The following CRHR1 variants were observed in gnomAD, a reference collection of about 807,000 sequenced individuals.
CRHR1 encodes corticotropin releasing hormone receptor 1.
In CRHR1, 28 loss-of-function variants were observed where a neutral mutation model predicts 56.0. The observed-to-expected ratio is 0.50, with a 90% CI of 0.37 to 0.69. The LOEUF (loss-of-function observed/expected upper bound fraction) is 0.69. Among genes scored for constraint, CRHR1 ranks in the 30% least tolerant of loss-of-function variants. The pLI is 0.00. For synonymous variants in CRHR1, 195 were observed against 216.5 expected (o/e 0.90, Z 0.87); for missense variants, 376 against 548.0 (o/e 0.69, Z 3.13).
chr17:45,820,708 C>T (rs1321143852), intron 3 of CRHR1, among the ~76,000 whole-genome samples: 1 of 126,082 alleles, frequency 7.9e-6, no homozygotes, highest in Admixed American at 7.7e-5. Flanking sequence ...CATGGATGTT[C>T]CCCCCACCCA....
intron 8 of CRHR1, among the ~76,000 whole-genome samples, chr17:45,832,619 G>A (rs980661290): frequency 2.6e-5 from 4 of 152,194 alleles, no homozygotes; most frequent in Non-Finnish European, 5.9e-5. Flanking sequence ...AGGGACACTC[G>A]GGAAAATGCA....
intron 1 of CRHR1, among the ~76,000 whole-genome samples, chr17:45,805,568 C>T (rs2061703692): frequency 6.6e-6 from 1 of 152,186 alleles, no homozygotes; most frequent in Admixed American, 6.5e-5. Context: ...GGGGCTGAGA[C>T]ACCTGGCCAT....
At chr17:45,828,485 A>G (rs1460928702) in intron 4 of CRHR1, among the ~76,000 whole-genome samples, 6 of 152,244 alleles carry the variant, frequency 3.9e-5, no homozygotes, top group Non-Finnish European at 5.9e-5. Flanking sequence ...CTTGGAACTC[A>G]AGATTGCTGT....
intron 4 of CRHR1, chr17:45,827,289 C>G (rs2062185016): frequency 6.6e-6 from 1 of 152,386 alleles, no homozygotes; most frequent in Admixed American, 6.5e-5. Context: ...TGGAAGGCAG[C>G]ACTGAAGGGT....
At chr17:45,799,622 G>T (rs1007938450) in intron 1 of CRHR1, 17 of 152,330 alleles carry the variant, frequency 1.1e-4, no homozygotes, top group African/African-American at 2.9e-4. Context: ...GTGGGCTGGG[G>T]CCCTTGCCTC....
intron 11 of CRHR1, 41 bp downstream of exon 11, chr17:45,833,890 G>A (rs771009368): frequency 1.2e-6 from 2 of 1,612,364 alleles, no homozygotes; most frequent in East Asian, 4.5e-5. Context: ...CCTTGGGTGG[G>A]GATTCTGCCA....
intron 2 of CRHR1, among the ~76,000 whole-genome samples, chr17:45,810,141 C>T (rs1403932621): frequency 1.3e-5 from 2 of 151,976 alleles, no homozygotes; most frequent in Non-Finnish European, 2.9e-5. Flanking sequence ...AAAAATTAGC[C>T]GGGCTTGGTG....
chr17:45,816,198 C>A (rs2061923615), intron 2 of CRHR1, among the ~76,000 whole-genome samples: 1 of 152,208 alleles, frequency 6.6e-6, no homozygotes, highest in African/African-American at 2.4e-5. Flanking sequence ...GCTTTTAACA[C>A]CACCTCCAGC....
intron 2 of CRHR1, among the ~76,000 whole-genome samples, chr17:45,816,004 A>G (rs1339171066): frequency 6.6e-6 from 1 of 152,138 alleles, no homozygotes; most frequent in Non-Finnish European, 1.5e-5. Flanking sequence ...GCCAGGGTAG[A>G]TGTGGTTTGA....
In CRHR1 at chr17:45,792,190, C is replaced by T. The variant is rs544776880; in HGVS notation, c.33+7613C>T. Among the ~76,000 whole-genome samples the T allele has an allele frequency of 6.6e-5, 10 of 152,290 alleles. No individual in the cohort carries two copies. In the East Asian group the frequency reaches 1.4e-3, roughly 21 times the overall value. On this transcript the variant is annotated intron_variant, in intron 1 of 12. Coordinates refer to ENST00000314537, the MANE Select transcript of CRHR1 (RefSeq NM_004382.5). Reference sequence around the variant, plus strand: ...TCAGCCACTCCTTCATCTTCCCAGACGGGTAGGGCAAGGCTGGTCCTTGGA... The same window carrying T: ...TCAGCCACTCCTTCATCTTCCCAGATGGGTAGGGCAAGGCTGGTCCTTGGA...
intron 3 of CRHR1, 43 bp from the exon 4 acceptor site, chr17:45,821,312 C>G: frequency 6.4e-7 from 1 of 1,570,838 alleles, no homozygotes. Flanking sequence ...CAGGCAGGGG[C>G]CGGGGCTGCC....
Position 45,784,584 on chromosome 17 carries a change from G to A in CRHR1, c.33+7G>A. On this transcript the variant is annotated splice_region_variant and intron_variant, in intron 1 of 12. Transcript: ENST00000314537. The surrounding 1 kb of genome is among the most constrained non-coding windows in gnomAD (Gnocchi z 4.2). Reference sequence around the variant, plus strand: ...GCAGCTCCGTCTCGTCAAGGTAACAGCCCGCCGGCCATCCCTCGAGCGCTG... The same window carrying A: ...GCAGCTCCGTCTCGTCAAGGTAACAACCCGCCGGCCATCCCTCGAGCGCTG... The A allele has an allele frequency of 6.5e-7, 1 of 1,547,848 alleles. No homozygotes were observed. The highest frequency in any genetic ancestry group is 2.5e-5 in the East Asian group (1 of 39,998).
Position 45,816,537 on chromosome 17 carries a change from C to A in CRHR1, c.196C>A (p.Arg66=). ...PRSPAGQLVV[R]PCPAFFYGVR... is the part of the protein sequence containing the mutation. Reference sequence around the variant, plus strand: ...CAGCCCTGCGGGGCAGCTAGTGGTTCGGCCCTGCCCTGCCTTTTTCTATGG... The same window carrying A: ...CAGCCCTGCGGGGCAGCTAGTGGTTAGGCCCTGCCCTGCCTTTTTCTATGG... The change falls in exon 3 of 13, where the codon CGG becomes AGG. Residue 66 remains arginine, a synonymous_variant. Coordinates refer to ENST00000314537, the MANE Select transcript of CRHR1 (RefSeq NM_004382.5). 6.2e-7 allele frequency: 1 copy of A among 1,614,132 alleles called. No homozygotes were observed. Among genetic ancestry groups the A allele is most frequent in the Non-Finnish European group, 8.5e-7 (1 of 1,180,030 alleles).
chr17:45,818,356 A>G (rs1478527416), intron 3 of CRHR1, among the ~76,000 whole-genome samples: 1 of 152,180 alleles, frequency 6.6e-6, no homozygotes, highest in African/African-American at 2.4e-5. Context: ...GTTACTTGAC[A>G]TGCTCCAGAT....
At chr17:45,792,796 C>G (rs2061450198) in intron 1 of CRHR1, among the ~76,000 whole-genome samples, 1 of 152,224 alleles carries the variant, frequency 6.6e-6, no homozygotes, top group Non-Finnish European at 1.5e-5. Context: ...TATCCCCCCA[C>G]AGGGGGCTCA....
rs1411328084 is a variant in CRHR1 at position 45,816,489 on chromosome 17, C to T, written c.148C>T (p.Leu50Phe). The change falls in exon 3 of 13, where the codon CTC becomes TTC. Residue 50 changes from leucine to phenylalanine, a missense_variant. Coordinates refer to ENST00000314537, the MANE Select transcript of CRHR1 (RefSeq NM_004382.5). ...ACTGCAGTGCAACGCATCCGTGGACCTCATTGGCACCTGCTGGCCCCGCAG... is the reference window on the plus strand; with the variant it reads ...ACTGCAGTGCAACGCATCCGTGGACTTCATTGGCACCTGCTGGCCCCGCAG... ...SGLQCNASVD[L>F]IGTCWPRSPA... The T allele has an allele frequency of 3.1e-6, 5 of 1,614,024 alleles. No homozygotes were observed. Among genetic ancestry groups the T allele is most frequent in the Non-Finnish European group, 4.2e-6 (5 of 1,180,034 alleles).
In CRHR1 at chr17:45,834,779, G is replaced by C. The variant is rs993047030; in HGVS notation, c.*15G>C. Reference sequence around the variant, plus strand: ...CAGCAGTCTGAGCTGGCAGGTCATGGAGCAGCCCCCAAAGAGCTGTGGCTG... The same window carrying C: ...CAGCAGTCTGAGCTGGCAGGTCATGCAGCAGCCCCCAAAGAGCTGTGGCTG... On this transcript the variant is annotated 3_prime_UTR_variant, in exon 13 of 13. Coordinates refer to ENST00000314537, the MANE Select transcript of CRHR1 (RefSeq NM_004382.5). 5.6e-6 allele frequency: 9 copies of C among 1,613,262 alleles called. No individual in the cohort carries two copies. The highest frequency in any genetic ancestry group is 7.6e-6 in the Non-Finnish European group (9 of 1,179,888).
At chr17:45,830,244 G>T in intron 6 of CRHR1, 30 bp downstream of exon 6, 1 of 1,612,500 alleles carries the variant, frequency 6.2e-7, no homozygotes, top group Middle Eastern at 1.7e-4. Context: ...CGGGGAGCAG[G>T]TCAGGCCAAA....
chr17:45,792,187 A>G (rs887390209), intron 1 of CRHR1, among the ~76,000 whole-genome samples: 1 of 152,132 alleles, frequency 6.6e-6, no homozygotes, highest in African/African-American at 2.4e-5. Context: ...TCATCTTCCC[A>G]GACGGGTAGG....
Sources: gnomAD v4.1 joint callset for allele counts (sites outside exome capture counted in the v4.1 genomes callset) on GRCh38, gnomAD v4.1.1 for gene constraint, Gnocchi (gnomAD v3.1) non-coding constraint, MANE v1.5 for transcripts, NCBI Gene and HGNC (gene_info 2026-07-23, HGNC 2026-07-21) for gene names.